The following CAST variants were observed in gnomAD, a reference collection of about 807,000 sequenced individuals.
The protein encoded by CAST is MIR583 host.
In CAST, 76 loss-of-function variants were observed where a neutral mutation model predicts 119.6. The observed-to-expected ratio is 0.64, with a 90% CI of 0.53 to 0.77. CAST has a LOEUF of 0.77. Ranked by LOEUF, CAST falls within the 30% of genes least tolerant of loss-of-function variation. CAST has a pLI of 0.00. For missense variants in CAST, 953 were observed against 946.5 expected (o/e 1.01, Z -0.09); for synonymous variants, 319 against 331.6 (o/e 0.96, Z 0.41).
At chr5:96,503,455 T>G in the CAST span, among the ~76,000 whole-genome samples, 1 of 152,118 alleles carries the variant, frequency 6.6e-6, no homozygotes, top group African/African-American at 2.4e-5. Context: ...GGAAATTGAA[T>G]GCCCCCATTA....
chr5:96,608,391 C>G (rs922872250), intron 1 of CAST, among the ~76,000 whole-genome samples: 27 of 152,114 alleles, frequency 1.8e-4, no homozygotes, highest in African/African-American at 6.3e-4. Flanking sequence ...ATGAGGTTAA[C>G]AGTAATACCA....
intron 9 of CAST, among the ~76,000 whole-genome samples, chr5:96,734,026 T>C (rs1046617868): frequency 6.6e-6 from 1 of 152,128 alleles, no homozygotes; most frequent in African/African-American, 2.4e-5. Context: ...CACAAGGTGT[T>C]ATTTGGTGAG....
At chr5:96,013,075 T>G in the CAST span, among the ~76,000 whole-genome samples, 1 of 152,290 alleles carries the variant, frequency 6.6e-6, no homozygotes, top group South Asian at 2.1e-4. Flanking sequence ...GTGTGGTCTG[T>G]GACAGCAGTT....
intron 1 of CAST, among the ~76,000 whole-genome samples, chr5:96,594,265 A>T (rs936490449): frequency 6.6e-6 from 1 of 152,236 alleles, no homozygotes; most frequent in African/African-American, 2.4e-5. Flanking sequence ...GCAGAAAATC[A>T]TATAGAAGAA....
At chr5:96,566,461 G>A (rs1308675222) in intron 1 of CAST, among the ~76,000 whole-genome samples, 1 of 152,172 alleles carries the variant, frequency 6.6e-6, no homozygotes, top group Non-Finnish European at 1.5e-5. Flanking sequence ...AAAACAACCA[G>A]AAGTGGTTCT....
chr5:96,534,410 G>GCTGGGCACAGTGACTCACGC lies in CAST; in HGVS notation c.60+4533_60+4534insGGCACAGTGACTCACGCCTG, dbSNP rs71617122. 5.2e-3 allele frequency among the ~76,000 whole-genome samples: 787 copies of GCTGGGCACAGTGACTCACGC among 150,886 alleles called. 6 individuals carry two copies. The highest frequency in any genetic ancestry group is 7.7e-3 in the Non-Finnish European group (523 of 67,718). ...TCGGTGAAGTATAAAAGAAAAATAGGCTGTAATCCCACCACTTTGGGAGGC... is the reference window on the plus strand; with the variant it reads ...TCGGTGAAGTATAAAAGAAAAATAGGCTGGGCACAGTGACTCACGCCTGTAATCCCACCACTTTGGGAGGC... On this transcript the variant is annotated intron_variant, in intron 1 of 11. Transcript: ENST00000505143.
chr5:96,453,429 G>A, the CAST span, among the ~76,000 whole-genome samples: 1 of 152,214 alleles, frequency 6.6e-6, no homozygotes, highest in African/African-American at 2.4e-5. Context: ...AAGACTGTAA[G>A]TATTGTAAAC....
chr5:96,075,414 C>T, the CAST span, among the ~76,000 whole-genome samples: 4 of 152,068 alleles, frequency 2.6e-5, no homozygotes, highest in Non-Finnish European at 5.9e-5. Context: ...TAGTTATCAC[C>T]CCTCTTGTCT....
chr5:96,171,334 T>C, the CAST span, among the ~76,000 whole-genome samples: 409 of 152,254 alleles, frequency 2.7e-3, 3 homozygotes, highest in Non-Finnish European at 4.8e-3. Flanking sequence ...TTTTAAGTTT[T>C]TGAGAACACA....
the CAST span, among the ~76,000 whole-genome samples, chr5:96,111,487 G>A: frequency 6.6e-6 from 1 of 152,182 alleles, no homozygotes; most frequent in African/African-American, 2.4e-5. Context: ...GGGGCTGAAG[G>A]TTTCAATCCT....
chr5:96,675,891 G>A (rs565081258), intron 2 of CAST: 10 of 290,510 alleles, frequency 3.4e-5, no homozygotes, highest in South Asian at 2.2e-4. Context: ...TTTTGTTGGC[G>A]AATATGTCAA....
At chr5:96,417,709 TA>T in the CAST span, among the ~76,000 whole-genome samples, 1 of 152,222 alleles carries the variant, frequency 6.6e-6, no homozygotes, top group Non-Finnish European at 1.5e-5. Flanking sequence ...TGAATATTTT[TA>T]AAATCCCTTT....
the CAST span, chr5:96,390,889 T>C: frequency 6.5e-6 from 1 of 152,752 alleles, no homozygotes; most frequent in African/African-American, 2.4e-5. Flanking sequence ...GAGTGAACCT[T>C]TGGCTACAAC....
chr5:96,610,749 T>C (rs1375317818), intron 1 of CAST, among the ~76,000 whole-genome samples: 1 of 152,204 alleles, frequency 6.6e-6, no homozygotes, highest in Non-Finnish European at 1.5e-5. Flanking sequence ...ATTGACAATA[T>C]GATTCTACAC....
At chr5:96,588,876 A>C (rs917218714) in intron 1 of CAST, among the ~76,000 whole-genome samples, 1 of 152,202 alleles carries the variant, frequency 6.6e-6, no homozygotes, top group Non-Finnish European at 1.5e-5. Context: ...TACATTTTTT[A>C]GTTCTGCTTA....
intron 8 of CAST, among the ~76,000 whole-genome samples, chr5:96,730,146 GA>G (rs958958216): frequency 7.2e-5 from 11 of 152,214 alleles, no homozygotes; most frequent in African/African-American, 2.2e-4. Context: ...TCGTGTTGTA[GA>G]AGAGCTGAAC....
chr5:96,072,462 C>A, the CAST span, among the ~76,000 whole-genome samples: 25 of 152,200 alleles, frequency 1.6e-4, no homozygotes, highest in Non-Finnish European at 3.4e-4. Flanking sequence ...GGTGCTTCAG[C>A]CTTTCTGCAA....
the CAST span, among the ~76,000 whole-genome samples, chr5:96,204,009 A>C: frequency 3.9e-5 from 6 of 152,184 alleles, no homozygotes; most frequent in East Asian, 1.2e-3. Flanking sequence ...GAAGGAATGG[A>C]ACAGCAGAGA....
At chr5:96,534,743 A>AG (rs1554066267) in intron 1 of CAST, among the ~76,000 whole-genome samples, 7,236 of 56,562 alleles carry the variant, frequency 0.13, 1,533 homozygotes, top group Middle Eastern at 0.27. Flanking sequence ...GAGAGAGAGA[A>AG]AGAAAGAAAG....
Sources: allele counts gnomAD v4.1 joint callset (sites outside exome capture counted in the v4.1 genomes callset), GRCh38; gene constraint gnomAD v4.1.1; transcripts MANE v1.5; gene names NCBI Gene and HGNC (gene_info 2026-07-23, HGNC 2026-07-21).